Variants in GNAL observed in about 807,000 individuals in gnomAD.
GNAL encodes the protein guanine nucleotide-binding protein G(olf) subunit alpha.
In GNAL, 18 loss-of-function variants were observed where a neutral mutation model predicts 55.1. That is an observed-to-expected ratio of 0.33 (90% CI 0.23 to 0.48). The LOEUF (loss-of-function observed/expected upper bound fraction) is 0.48. GNAL is among the 20% of genes least tolerant of loss of function. GNAL has a pLI of 0.99. For synonymous variants in GNAL, 253 were observed against 237.0 expected, an observed-to-expected ratio of 1.07 and a Z score of -0.62; for missense variants, 412 against 614.1, an observed-to-expected ratio of 0.67 and a Z score of 3.48.
At position 11,873,843 on chromosome 18, in the gene GNAL, G is replaced by A. The variant is rs79269723; in HGVS notation, c.1162+1445G>A. On this transcript the variant is annotated intron_variant, in intron 10 of 11. Transcript: ENST00000334049. Reference sequence around the variant, plus strand: ...TGTCACTCAGCTCAGGCAGTGGCTCGGCGGCCGGGGGGTCCTTCCAACAGG... The same window carrying A: ...TGTCACTCAGCTCAGGCAGTGGCTCAGCGGCCGGGGGGTCCTTCCAACAGG... Among the ~76,000 whole-genome samples, 71 of 150,790 alleles carry A rather than the reference G, an allele frequency of 4.7e-4. 1 individual carries two copies. In the East Asian group the frequency reaches 0.01, roughly 22 times the overall value.
At position 11,769,010 on chromosome 18, in the gene GNAL, ATATTCTATATTATAATATATT is replaced by A. The variant is rs2033527066; in HGVS notation, c.624+15066_624+15086del. On this transcript the variant is annotated intron_variant, in intron 4 of 11. Coordinates refer to ENST00000334049, the MANE Select transcript of GNAL (RefSeq NM_182978.4). ...TTCTATATTATAATATAGAATATAT[ATATTCTATATTATAATATATT>A]ATATATAATATATAATATATATAAT... is the stretch of plus-strand genomic sequence containing the variant. Among the ~76,000 whole-genome samples the A allele has an allele frequency of 5.5e-5, 6 of 108,114 alleles. 1 individual carries two copies. Among genetic ancestry groups the A allele is most frequent in the African/African-American group, 2.7e-4 (6 of 22,458 alleles). 70.9% of individuals were successfully genotyped at this position (108,114 alleles called of 152,430 possible).
intron 11 of GNAL, among the ~76,000 whole-genome samples, chr18:11,878,281 C>G (rs1780640969): frequency 6.6e-6 from 1 of 152,092 alleles, no homozygotes; most frequent in South Asian, 2.1e-4. Context: ...GAGACCTCAT[C>G]TCTACAAAAA....
chr18:11,732,576 C>T (rs893291562), intron 1 of GNAL, among the ~76,000 whole-genome samples: 3 of 151,428 alleles, frequency 2.0e-5, no homozygotes, highest in Non-Finnish European at 4.4e-5. Flanking sequence ...AGTCTGTCCT[C>T]ACCCATGGGT....
chr18:11,741,640 G>GATGA lies in GNAL; in HGVS notation c.377-11195_377-11192dup, dbSNP rs113647516. ...AGTAGGTGTTCAAAGAATGCTTTAT[G>GATGA]ATGAATGAATGAATGAATGAACATG... On this transcript the variant is annotated intron_variant, in intron 1 of 11. Coordinates refer to ENST00000334049, the MANE Select transcript of GNAL (RefSeq NM_182978.4). Among the ~76,000 whole-genome samples the GATGA allele has an allele frequency of 5.4e-3, 819 of 152,286 alleles. 13 individuals are homozygous for GATGA. Among genetic ancestry groups the GATGA allele is most frequent in the African/African-American group, 0.017 (724 of 41,558 alleles).
intron 1 of GNAL, among the ~76,000 whole-genome samples, chr18:11,716,739 A>G (rs1598409049): frequency 6.6e-6 from 1 of 151,972 alleles, no homozygotes. Flanking sequence ...GCATTCACAA[A>G]CCCTGAGCTA....
chr18:11,862,290 G>C, intron 5 of GNAL, 105 bp from the exon 6 acceptor site: 1 of 789,876 alleles, frequency 1.3e-6, no homozygotes, highest in Non-Finnish European at 2.2e-6. Context: ...TTCTTGGCCT[G>C]CCCCCATCCT....
intron 4 of GNAL, among the ~76,000 whole-genome samples, chr18:11,778,013 C>T (rs2033829636): frequency 6.6e-6 from 1 of 152,200 alleles, no homozygotes; most frequent in Non-Finnish European, 1.5e-5. Flanking sequence ...AGCACCTCCC[C>T]ACCAGCTTGT....
At chr18:11,703,795 G>GCACACACACACACACACACACACACACA (rs35455680) in intron 1 of GNAL, among the ~76,000 whole-genome samples, 2 of 141,410 alleles carry the variant, frequency 1.4e-5, no homozygotes, top group African/African-American at 5.3e-5. Flanking sequence ...GTGTTGATGG[G>GCACACACACACACACACACACACACACA]CACACACACA....
intron 1 of GNAL, among the ~76,000 whole-genome samples, chr18:11,709,438 G>T (rs1168616349): frequency 6.6e-6 from 1 of 150,944 alleles, no homozygotes; most frequent in Admixed American, 6.6e-5. Flanking sequence ...TCCAATTTGT[G>T]AACATGGGAT....
At chr18:11,862,316 A>T (rs544417868) in intron 5 of GNAL, 79 bp from the exon 6 acceptor site, 41 of 1,061,072 alleles carry the variant, frequency 3.9e-5, no homozygotes, top group African/African-American at 9.3e-5. Flanking sequence ...TACTTGGGTG[A>T]TGTCCCATTA....
intron 11 of GNAL, among the ~76,000 whole-genome samples, chr18:11,878,894 A>G (rs1279226670): frequency 6.6e-6 from 1 of 150,582 alleles, no homozygotes. Context: ...TCCATTCACT[A>G]CACACTTACT....
intron 1 of GNAL, among the ~76,000 whole-genome samples, chr18:11,729,481 C>T (rs1347564837): frequency 1.3e-5 from 2 of 152,198 alleles, no homozygotes; most frequent in African/African-American, 4.8e-5. Flanking sequence ...ACAAGTGTTA[C>T]CTCCTCTTTG....
intron 1 of GNAL, among the ~76,000 whole-genome samples, chr18:11,722,436 A>G (rs1325868897): frequency 3.3e-5 from 5 of 152,254 alleles, no homozygotes; most frequent in Admixed American, 2.6e-4. Context: ...TAGCATAGAT[A>G]TAGCATCATT....
chr18:11,708,181 G>T (rs1004263072), intron 1 of GNAL, among the ~76,000 whole-genome samples: 6 of 152,124 alleles, frequency 3.9e-5, no homozygotes, highest in Non-Finnish European at 8.8e-5. Context: ...GCCTGTCTTG[G>T]CTTTTGACAT....
chr18:11,842,997 T>G (rs1355152178), intron 5 of GNAL, among the ~76,000 whole-genome samples: 1 of 152,280 alleles, frequency 6.6e-6, no homozygotes, highest in East Asian at 1.9e-4. Context: ...GGTACAAAAG[T>G]GATAAGTATT....
chr18:11,726,744 A>G (rs550043641), intron 1 of GNAL, among the ~76,000 whole-genome samples: 1 of 152,266 alleles, frequency 6.6e-6, no homozygotes, highest in South Asian at 2.1e-4. Flanking sequence ...TTACGTAACC[A>G]TGAGTCAAAG....
Position 11,710,906 on chromosome 18 carries a change from C to T in GNAL, c.376+20967C>T, listed in dbSNP as rs148642562. ...TTTTGTTTTGTTTGAGATGGAGTCT[C>T]GCTCTGTTATCCAGGCTGGAGTGCA... On this transcript the variant is annotated intron_variant, in intron 1 of 11. Coordinates refer to ENST00000334049, the MANE Select transcript of GNAL (RefSeq NM_182978.4). 5.1e-3 allele frequency among the ~76,000 whole-genome samples: 776 copies of T among 151,836 alleles called. 5 individuals are homozygous for T. The highest frequency in any genetic ancestry group is 0.018 in the African/African-American group (736 of 41,172).
chr18:11,873,159 T>C (rs940821908), intron 10 of GNAL, among the ~76,000 whole-genome samples: 2 of 152,232 alleles, frequency 1.3e-5, no homozygotes, highest in African/African-American at 4.8e-5. Flanking sequence ...ACACCGCTTC[T>C]TACATCTTGA....
chr18:11,717,210 G>A (rs569058628), intron 1 of GNAL, among the ~76,000 whole-genome samples: 9 of 152,344 alleles, frequency 5.9e-5, no homozygotes, highest in South Asian at 4.1e-4. Context: ...CTCCCAGTGC[G>A]GGGTCCGCGG....
Sources: allele counts gnomAD v4.1 joint callset (sites outside exome capture counted in the v4.1 genomes callset), GRCh38; gene constraint gnomAD v4.1.1; transcripts MANE v1.5; gene names NCBI Gene and HGNC (gene_info 2026-07-23, HGNC 2026-07-21).